Variants in ADGRB1 observed in about 807,000 individuals in gnomAD.
The protein encoded by ADGRB1 is adhesion G protein-coupled receptor B1, also known as brain-specific angiogenesis inhibitor 1.
ADGRB1 carries 36 observed loss-of-function variants against 175.7 expected under a neutral mutation model. That is an observed-to-expected ratio of 0.20 (90% CI 0.16 to 0.27). The LOEUF (loss-of-function observed/expected upper bound fraction) is 0.27. ADGRB1 is among the 10% of genes least tolerant of loss of function. The probability of loss-of-function intolerance (pLI) is 1.00; values close to 1 mark genes in which losing one functional copy is unlikely to be tolerated. For synonymous variants in ADGRB1, 1,054 were observed against 979.4 expected (o/e 1.08, Z -1.42); for missense variants, 1,731 against 2,255.3 (o/e 0.77, Z 4.71).
intron 1 of ADGRB1, 64 bp downstream of exon 1, chr8:142,450,168 G>T (rs1376528925): frequency 6.7e-6 from 1 of 149,574 alleles, no homozygotes; most frequent in East Asian, 2.0e-4. Flanking sequence ...GGGTGGGAGG[G>T]GGTCGGGGGA....
intron 16 of ADGRB1, among the ~76,000 whole-genome samples, chr8:142,489,848 C>T (rs549765372): frequency 1.3e-5 from 2 of 152,184 alleles, no homozygotes; most frequent in Admixed American, 1.3e-4. Context: ...CCTGCAGGGG[C>T]CCTGGGATTT....
At chr8:142,505,598 C>T (rs1044886685) in intron 17 of ADGRB1, among the ~76,000 whole-genome samples, 3 of 152,106 alleles carry the variant, frequency 2.0e-5, no homozygotes, top group Non-Finnish European at 4.4e-5. Context: ...TGGTTACTGA[C>T]GGGACTGTGG....
rs762871568 is a variant in ADGRB1 at position 142,520,830 on chromosome 8, C to T, written c.2929C>T (p.Arg977Cys). 6 of 1,613,478 alleles carry T rather than the reference C, an allele frequency of 3.7e-6. No homozygotes were observed. The highest frequency in any genetic ancestry group is 3.3e-4 in the Middle Eastern group (2 of 6,060). Reference protein sequence around the residue: ...IIYVSVWRYIRSERSVILINF... With the variant: ...IIYVSVWRYICSERSVILINF... Reference sequence around the variant, plus strand: ...CCCCTGCACTCTCCACAGGTACATTCGCTCAGAGCGTTCTGTCATCCTCAT... The same window carrying T: ...CCCCTGCACTCTCCACAGGTACATTTGCTCAGAGCGTTCTGTCATCCTCAT... The change falls in exon 20 of 31, where the codon CGC becomes TGC. Residue 977 changes from arginine (R) to cysteine (C), a missense_variant. Arg to Cys is a radical substitution (Grantham distance 180). This residue lies in a region of ADGRB1 where 301 missense variants were observed against 488.4 expected (regional missense o/e 0.62). Coordinates refer to ENST00000517894, the MANE Select transcript of ADGRB1 (RefSeq NM_001702.3).
chr8:142,523,400 T>G, intron 22 of ADGRB1, among the ~76,000 whole-genome samples: 2 of 5,160 alleles, frequency 3.9e-4, no homozygotes, highest in South Asian at 7.4e-3. Context: ...GCTGGCTGAG[T>G]GGGAGGGCGG....
chr8:142,516,350 G>A lies in ADGRB1; in HGVS notation c.2818-1788G>A, dbSNP rs1843429540. On this transcript the variant is annotated intron_variant, in intron 18 of 30. Transcript: ENST00000517894. ...GTGCATGCGTGTGTGCGGGCCCCAG[G>A]TGCGTGCGTGTGTGCGGGCCCCAGG... Among the ~76,000 whole-genome samples, 3 of 141,962 alleles carry A rather than the reference G, an allele frequency of 2.1e-5. No individual in the cohort carries two copies. The Admixed American group carries it at 2.1e-4, about 10-fold the overall frequency. 93.1% of individuals were successfully genotyped at this position (141,962 alleles called of 152,430 possible). A position where few individuals can be genotyped will look rare whatever the true frequency, so the allele number is the denominator to read the frequency against.
At chr8:142,472,019 G>A (rs937673163) in intron 2 of ADGRB1, among the ~76,000 whole-genome samples, 1 of 152,226 alleles carries the variant, frequency 6.6e-6, no homozygotes, top group East Asian at 1.9e-4. Flanking sequence ...AGAGCAGGGT[G>A]GGAATGGCAG....
intron 24 of ADGRB1, among the ~76,000 whole-genome samples, 156 bp downstream of exon 24, chr8:142,526,783 C>T (rs1844227945): frequency 6.6e-6 from 1 of 152,308 alleles, no homozygotes; most frequent in South Asian, 2.1e-4. Context: ...GTACAGAGGC[C>T]CCTTAGGCTC....
chr8:142,480,844 A>C (rs1408238579), intron 9 of ADGRB1, among the ~76,000 whole-genome samples: 1 of 152,026 alleles, frequency 6.6e-6, no homozygotes, highest in Non-Finnish European at 1.5e-5. Context: ...GGCTGCCCCC[A>C]TGTCTCTGGG....
intron 2 of ADGRB1, among the ~76,000 whole-genome samples, chr8:142,469,539 GTGTA>G (rs1374296806): frequency 2.0e-5 from 3 of 147,214 alleles, no homozygotes; most frequent in African/African-American, 7.5e-5. Context: ...GTGAATGTGA[GTGTA>G]TGCACGTGCA....
In ADGRB1 at chr8:142,479,379, G is replaced by A; in HGVS notation, c.1618G>A (p.Ala540Thr). The A allele has an allele frequency of 6.5e-7, 1 of 1,535,708 alleles. No homozygotes were observed. The highest frequency in any genetic ancestry group is 8.7e-7 in the Non-Finnish European group (1 of 1,145,142). The change falls in exon 8 of 31, where the codon GCT becomes ACT. Residue 540 changes from alanine to threonine, a missense_variant. By Grantham distance (58) the Ala-to-Thr change is moderately conservative. Coordinates refer to ENST00000517894, the MANE Select transcript of ADGRB1 (RefSeq NM_001702.3). Reference sequence around the variant, plus strand: ...GGGCAGTTGCAGCGTCACGTGTGGGGCTGGCAGCCAGCGACGGGAGCGTGT... The same window carrying A: ...GGGCAGTTGCAGCGTCACGTGTGGGACTGGCAGCCAGCGACGGGAGCGTGT... ...SWGSCSVTCGAGSQRRERVCS... is the reference protein window; with the variant it reads ...SWGSCSVTCGTGSQRRERVCS...
chr8:142,472,467 T>C (rs75135129), intron 2 of ADGRB1, among the ~76,000 whole-genome samples: 22,516 of 152,190 alleles, frequency 0.15, 1,765 homozygotes, highest in Admixed American at 0.19. Flanking sequence ...TCTGCTGCCC[T>C]TCACTGTCCA....
intron 17 of ADGRB1, among the ~76,000 whole-genome samples, chr8:142,503,418 TGA>T (rs993233382): frequency 4.0e-5 from 6 of 151,738 alleles, no homozygotes; most frequent in African/African-American, 1.5e-4. Context: ...GCTGAGTGAG[TGA>T]GAGACTGTGC....
At chr8:142,518,864 T>A (rs1843599688) in intron 19 of ADGRB1, among the ~76,000 whole-genome samples, 1 of 152,200 alleles carries the variant, frequency 6.6e-6, no homozygotes, top group African/African-American at 2.4e-5. Flanking sequence ...TCACTGCCCA[T>A]GGGGCCGAGT....
In ADGRB1 at chr8:142,518,381, C is replaced by G; in HGVS notation, c.2921+140C>G. 7 of 830,024 alleles carry G rather than the reference C, an allele frequency of 8.4e-6. No individual in the cohort carries two copies. In the South Asian group the frequency reaches 1.2e-4, roughly 14 times the overall value. The allele number at this position is 830,024 out of a possible 1,614,324, so 51.4% of individuals were successfully genotyped here. A position where few individuals can be genotyped will look rare whatever the true frequency, so the allele number is the denominator to read the frequency against. ...TTCCCAGTCACCTCCGCATTTGCCA[C>G]GGAACCAGCCATGCTGTGGCCCCTC... On this transcript the variant is annotated intron_variant, in intron 19 of 30. Transcript: ENST00000517894.
chr8:142,477,489 G>A lies in ADGRB1; in HGVS notation c.1327G>A (p.Gly443Ser). The stretch of plus-strand genomic sequence containing the variant: ...CACCTGCAGGCCCCCCCAGTTTGGG[G>A]GCAACCCCTGTGAGGGCCCTGAGAA... ...TRTCRPPQFGGNPCEGPEKQT... is the reference protein window; with the variant it reads ...TRTCRPPQFGSNPCEGPEKQT... Residue 443 changes from glycine to serine, a missense_variant, in exon 6 of 31, where the codon GGC becomes AGC. By Grantham distance (56) the Gly-to-Ser change is moderately conservative. Around this residue, in one of 8 missense-constraint regions of ADGRB1, gnomAD observed 388 missense variants for 630.9 expected, o/e 0.61. Coordinates refer to ENST00000517894, the MANE Select transcript of ADGRB1 (RefSeq NM_001702.3). 1 of 1,613,146 alleles carries A rather than the reference G, an allele frequency of 6.2e-7. No homozygotes were observed. Among genetic ancestry groups the A allele is most frequent in the Non-Finnish European group, 8.5e-7 (1 of 1,179,820 alleles).
At chr8:142,460,967 C>T (rs1839939161) in intron 1 of ADGRB1, among the ~76,000 whole-genome samples, 1 of 152,226 alleles carries the variant, frequency 6.6e-6, no homozygotes, top group Non-Finnish European at 1.5e-5. Flanking sequence ...CACCTCTTGC[C>T]TACAGGGTGG....
At chr8:142,534,817 G>C (rs1233689613) in intron 25 of ADGRB1, among the ~76,000 whole-genome samples, 1 of 152,184 alleles carries the variant, frequency 6.6e-6, no homozygotes. Context: ...CCTGGTGCAC[G>C]CCACATGGGC....
intron 24 of ADGRB1, among the ~76,000 whole-genome samples, chr8:142,529,265 T>G (rs917847470): frequency 6.6e-6 from 1 of 152,100 alleles, no homozygotes; most frequent in African/African-American, 2.4e-5. Flanking sequence ...CAGGTATGTG[T>G]GTATGAGTGT....
Position 142,537,157 on chromosome 8 carries a change from C to T in ADGRB1, c.3666+75C>T, listed in dbSNP as rs890111093. On this transcript the variant is annotated intron_variant, in intron 26 of 30. Coordinates refer to ENST00000517894, the MANE Select transcript of ADGRB1 (RefSeq NM_001702.3). This position sits in a 1 kb window ranked among gnomAD's most constrained non-coding sequence, Gnocchi z 4.6. ...CCGCCAAGTGCCTCCAGGCCCTCACCGTGCCCCAAGCTCCCCTAGGCCCCA... is the reference window on the plus strand; with the variant it reads ...CCGCCAAGTGCCTCCAGGCCCTCACTGTGCCCCAAGCTCCCCTAGGCCCCA... The T allele has an allele frequency of 1.1e-5, 13 of 1,208,434 alleles. No homozygotes were observed. Among genetic ancestry groups the T allele is most frequent in the African/African-American group, 6.3e-5 (4 of 63,004 alleles). 74.9% of individuals were successfully genotyped at this position (1,208,434 alleles called of 1,614,324 possible). A position where few individuals can be genotyped will look rare whatever the true frequency, so the allele number is the denominator to read the frequency against.
Sources: allele counts gnomAD v4.1 joint callset (sites outside exome capture counted in the v4.1 genomes callset), GRCh38; gene constraint gnomAD v4.1.1; regional missense constraint gnomAD v4.1.1; non-coding constraint Gnocchi (gnomAD v3.1); transcripts MANE v1.5; gene names NCBI Gene and HGNC (gene_info 2026-07-23, HGNC 2026-07-21).